The following ARHGEF28 variants were observed in gnomAD, a reference collection of about 807,000 sequenced individuals.
ARHGEF28 encodes the protein 190 kDa guanine nucleotide exchange factor.
Under a neutral mutation model 206.6 loss-of-function variants are expected in ARHGEF28, and 152 were observed. The observed-to-expected ratio is 0.74, with a 90% confidence interval of 0.64 to 0.84. The LOEUF is 0.84. Among genes scored for constraint, ARHGEF28 ranks in the 40% least tolerant of loss-of-function variants. The pLI is 0.00. For missense variants in ARHGEF28, 2,028 were observed against 2,073.2 expected, an observed-to-expected ratio of 0.98 and a Z score of 0.42; for synonymous variants, 763 against 776.4, an observed-to-expected ratio of 0.98 and a Z score of 0.29.
chr5:73,694,962 T>C (rs761315657), intron 2 of ARHGEF28, among the ~76,000 whole-genome samples: 1 of 152,194 alleles, frequency 6.6e-6, no homozygotes, highest in Non-Finnish European at 1.5e-5. Flanking sequence ...CAGATGGTAG[T>C]ATGGGTTAGG....
At chr5:73,824,079 C>G (rs1756753051) in intron 9 of ARHGEF28, among the ~76,000 whole-genome samples, 1 of 152,208 alleles carries the variant, frequency 6.6e-6, no homozygotes, top group South Asian at 2.1e-4. Context: ...CTAATTCCTA[C>G]TTTTTAATGT....
At chr5:73,808,335 C>T (rs571155203) in intron 9 of ARHGEF28, among the ~76,000 whole-genome samples, 3 of 152,254 alleles carry the variant, frequency 2.0e-5, no homozygotes, top group South Asian at 2.1e-4. Flanking sequence ...GAATAAAGTC[C>T]GTGAGTGAGT....
At chr5:73,634,648 G>T (rs1408652717) in intron 1 of ARHGEF28, among the ~76,000 whole-genome samples, 1 of 152,180 alleles carries the variant, frequency 6.6e-6, no homozygotes, top group African/African-American at 2.4e-5. Flanking sequence ...ATTATGGTTA[G>T]GAAATCTCAT....
intron 1 of ARHGEF28, among the ~76,000 whole-genome samples, chr5:73,656,516 A>G (rs1424433819): frequency 6.6e-6 from 1 of 152,110 alleles, no homozygotes; most frequent in Non-Finnish European, 1.5e-5. Context: ...CTCTCCCTTC[A>G]GAATATAGCC....
chr5:73,883,530 A>G (rs1761084022), intron 23 of ARHGEF28, among the ~76,000 whole-genome samples: 1 of 152,214 alleles, frequency 6.6e-6, no homozygotes, highest in Non-Finnish European at 1.5e-5. Flanking sequence ...TTCTTTTGAA[A>G]TTAACTACAA....
chr5:73,654,857 A>T (rs541896316), intron 1 of ARHGEF28, among the ~76,000 whole-genome samples: 2 of 152,304 alleles, frequency 1.3e-5, no homozygotes, highest in African/African-American at 4.8e-5. Context: ...AAGGCATGTG[A>T]AAACCTGACG....
chr5:73,723,937 T>G (rs918223312), intron 2 of ARHGEF28, among the ~76,000 whole-genome samples: 7 of 152,334 alleles, frequency 4.6e-5, no homozygotes, highest in South Asian at 4.1e-4. Flanking sequence ...TTGGGGGCAG[T>G]TCCCAAAAGT....
At chr5:73,813,135 T>C (rs1473990206) in intron 9 of ARHGEF28, among the ~76,000 whole-genome samples, 2 of 152,174 alleles carry the variant, frequency 1.3e-5, no homozygotes, top group Admixed American at 6.5e-5. Context: ...GTAGCTCTTC[T>C]GAGAAGCAAT....
Position 73,873,325 on chromosome 5 carries a change from T to TA in ARHGEF28, c.2814+87dup, listed in dbSNP as rs200856308. The TA allele has an allele frequency of 1.2e-3, 1,693 of 1,458,200 alleles. 15 individuals are homozygous for TA. The African/African-American group carries it at 0.021, about 18-fold the overall frequency. 90.3% of individuals were successfully genotyped at this position (1,458,200 alleles called of 1,614,324 possible). ...AAATCTGCCCTTTCATCAACAAGAG[T>TA]AAAAAAAATGATATTTTGAAACATT... On this transcript the variant is annotated intron_variant, in intron 22 of 35. Coordinates refer to ENST00000513042, the MANE Select transcript of ARHGEF28 (RefSeq NM_001177693.2).
intron 1 of ARHGEF28, among the ~76,000 whole-genome samples, chr5:73,684,304 CAT>C (rs1166347345): frequency 3.3e-5 from 5 of 152,204 alleles, no homozygotes; most frequent in Admixed American, 3.3e-4. Flanking sequence ...CTAGGTACCT[CAT>C]ATAAGTAGAA....
chr5:73,656,164 A>G (rs1445292674), intron 1 of ARHGEF28, among the ~76,000 whole-genome samples: 2 of 152,166 alleles, frequency 1.3e-5, no homozygotes, highest in Non-Finnish European at 2.9e-5. Flanking sequence ...AAGGGCGAGA[A>G]TGGTCTCTAA....
At chr5:73,713,811 T>C (rs1580517024) in intron 2 of ARHGEF28, among the ~76,000 whole-genome samples, 2 of 152,214 alleles carry the variant, frequency 1.3e-5, no homozygotes, top group African/African-American at 2.4e-5. Context: ...ACTAACAATA[T>C]ATACAGCTTC....
intron 1 of ARHGEF28, among the ~76,000 whole-genome samples, chr5:73,677,370 G>A (rs1053276263): frequency 2.0e-5 from 3 of 152,182 alleles, no homozygotes; most frequent in Non-Finnish European, 4.4e-5. Flanking sequence ...TGAGCAAGGT[G>A]CCTGAGTATT....
At chr5:73,793,243 G>C (rs1477956095) in intron 7 of ARHGEF28, among the ~76,000 whole-genome samples, 2 of 152,206 alleles carry the variant, frequency 1.3e-5, no homozygotes, top group African/African-American at 4.8e-5. Context: ...GACAAGGATT[G>C]TTGGTTTCTC....
rs954619833 is a variant in ARHGEF28, at chr5:73,753,750, G to A, written c.475+548G>A. 5.9e-5 allele frequency among the ~76,000 whole-genome samples: 9 copies of A among 152,208 alleles called. No homozygotes were observed. In the South Asian group the frequency reaches 1.0e-3, roughly 18 times the overall value. ...TGAATACCAAGTATTTGGAATCTGC[G>A]TGTGAACAAGGCTATAGATGTTATA... On this transcript the variant is annotated intron_variant, in intron 4 of 35. Transcript: ENST00000513042.
intron 14 of ARHGEF28, among the ~76,000 whole-genome samples, chr5:73,854,013 G>A (rs1051411290): frequency 2.0e-4 from 31 of 151,990 alleles, no homozygotes; most frequent in African/African-American, 7.0e-4. Flanking sequence ...CTGGTTCTTC[G>A]TTCTCTGTCA....
chr5:73,883,950 C>G (rs1449340603), intron 24 of ARHGEF28, 66 bp downstream of exon 24: 1 of 910,694 alleles, frequency 1.1e-6, no homozygotes, highest in East Asian at 3.0e-5. Context: ...TTGAGGTGTT[C>G]TAAACAGCCA....
chr5:73,864,868 C>G lies in ARHGEF28; in HGVS notation c.2099C>G (p.Thr700Ser), dbSNP rs779866362. 6.2e-6 allele frequency: 10 copies of G among 1,613,074 alleles called. No individual in the cohort carries two copies. Among genetic ancestry groups the G allele is most frequent in the Non-Finnish European group, 8.5e-6 (10 of 1,179,378 alleles). Residue 700 changes from threonine (T) to serine (S), a missense_variant, in exon 17 of 36, where the codon ACC (threonine) becomes AGC (serine). Transcript: ENST00000513042. Reference sequence around the variant, plus strand: ...TGTAAAGATGCTGCGCCTGCATGCACCAAGGTAATTGCTCAGTGATCTGTG... The same window carrying G: ...TGTAAAGATGCTGCGCCTGCATGCAGCAAGGTAATTGCTCAGTGATCTGTG... Reference protein sequence around the residue: ...KGCKDAAPACTKKFQEKYNKN... With the variant: ...KGCKDAAPACSKKFQEKYNKN...
At chr5:73,811,995 A>T (rs886740537) in intron 9 of ARHGEF28, among the ~76,000 whole-genome samples, 7 of 151,996 alleles carry the variant, frequency 4.6e-5, no homozygotes, top group Non-Finnish European at 1.0e-4. Context: ...AAAAAAAAAA[A>T]AAAGCCACAA....
Sources: allele counts gnomAD v4.1 joint callset (sites outside exome capture counted in the v4.1 genomes callset), GRCh38; gene constraint gnomAD v4.1.1; transcripts MANE v1.5; gene names NCBI Gene and HGNC (gene_info 2026-07-23, HGNC 2026-07-21).